Variants in KAZN observed in about 807,000 individuals in gnomAD.
KAZN encodes kazrin, periplakin interacting protein.
Under a neutral mutation model 87.4 loss-of-function variants are expected in KAZN, and 40 were observed. The ratio of observed to expected loss-of-function variants is 0.46; its 90% CI spans 0.36 to 0.60. KAZN has a LOEUF of 0.60. Ranked by LOEUF, KAZN falls within the 20% of genes least tolerant of loss-of-function variation. The probability of loss-of-function intolerance (pLI) is 0.00; values close to 1 mark genes in which losing one functional copy is unlikely to be tolerated. For missense variants in KAZN, 898 were observed against 1,073.9 expected (o/e 0.84, Z 2.29); for synonymous variants, 466 against 458.3 (o/e 1.02, Z -0.22).
intron 4 of KAZN, among the ~76,000 whole-genome samples, chr1:15,045,576 C>G (rs1673388956): frequency 1.3e-5 from 2 of 152,186 alleles, no homozygotes; most frequent in South Asian, 4.1e-4. Flanking sequence ...TTTGTGTGTT[C>G]ACTGTGTCGT....
At chr1:14,060,962 G>A (rs926614458) in intron 1 of KAZN, among the ~76,000 whole-genome samples, 2 of 152,148 alleles carry the variant, frequency 1.3e-5, no homozygotes, top group Non-Finnish European at 2.9e-5. Flanking sequence ...GGAGACTTGG[G>A]GTCAAGACCC....
chr1:15,114,479 G>A lies in KAZN; in HGVS notation c.2172G>A (p.Leu724=), dbSNP rs1641769588. 1 of 1,609,656 alleles carries A rather than the reference G, an allele frequency of 6.2e-7. No individual in the cohort carries two copies. Among genetic ancestry groups the A allele is most frequent in the Non-Finnish European group, 8.5e-7 (1 of 1,177,570 alleles). The change falls in exon 15 of 15, where the codon CTG becomes CTA. Residue 724 remains leucine, a synonymous_variant. Coordinates refer to ENST00000376030, the MANE Select transcript of KAZN (RefSeq NM_201628.3). Reference sequence around the variant, plus strand: ...TATTCTTCTCTTCTCAGCTGCCCCTGGGGAAGATAGGAAGGGGCTTCAGCA... The same window carrying A: ...TATTCTTCTCTTCTCAGCTGCCCCTAGGGAAGATAGGAAGGGGCTTCAGCA... ...GLKYKAGRLP[L]GKIGRGFSSK...
At chr1:14,788,948 G>A (rs1645592294) in intron 1 of KAZN, among the ~76,000 whole-genome samples, 1 of 152,162 alleles carries the variant, frequency 6.6e-6, no homozygotes, top group South Asian at 2.1e-4. Context: ...TACAAACGCA[G>A]TTACCTTTAC....
At chr1:14,007,819 G>A (rs1338341364) in intron 1 of KAZN, among the ~76,000 whole-genome samples, 2 of 152,102 alleles carry the variant, frequency 1.3e-5, no homozygotes. Flanking sequence ...GACGCTGTCC[G>A]ATAATGATTT....
chr1:14,599,170 C>T lies in KAZN; in HGVS notation c.173C>T (p.Ala58Val). Residue 58 changes from alanine (A) to valine (V), a missense_variant, in exon 1 of 15, where the codon GCG becomes GTG. By Grantham distance (64) the Ala-to-Val change is moderately conservative (BLOSUM62 0). This residue lies in a region of KAZN where 250 missense variants were observed against 263.0 expected (regional missense o/e 0.95). Coordinates refer to ENST00000376030, the MANE Select transcript of KAZN (RefSeq NM_201628.3). This position sits in a 1 kb window ranked among gnomAD's most constrained non-coding sequence, Gnocchi z 4.4. ...CCGGGAGCCGCGGCCAGCGCCTCGG[C>T]GGCGGGGGACTCGGCGGCGACGAAC... is the stretch of plus-strand genomic sequence containing the variant. ...PGPGAAASAS[A>V]AGDSAATNME... 1 of 1,376,626 alleles carries T rather than the reference C, an allele frequency of 7.3e-7. No individual in the cohort carries two copies. Among genetic ancestry groups the T allele is most frequent in the South Asian group, 1.9e-5 (1 of 52,138 alleles). The allele number at this position is 1,376,626 out of a possible 1,614,324, so 85.3% of individuals were successfully genotyped here.
At chr1:14,777,136 C>T (rs531296759) in intron 1 of KAZN, among the ~76,000 whole-genome samples, 136 of 146,530 alleles carry the variant, frequency 9.3e-4, no homozygotes, top group African/African-American at 3.2e-3. Context: ...TACAGGCGCC[C>T]GCCACCACAC....
At chr1:14,294,481 A>G (rs1483556455) in intron 2 of KAZN, among the ~76,000 whole-genome samples, 1 of 151,918 alleles carries the variant, frequency 6.6e-6, no homozygotes, top group East Asian at 2.0e-4. Context: ...CTTGCAAGCT[A>G]CTGTTCTCCC....
intron 2 of KAZN, among the ~76,000 whole-genome samples, chr1:14,205,241 CAGGAG>C (rs1338610727): frequency 2.0e-5 from 3 of 152,176 alleles, no homozygotes; most frequent in African/African-American, 7.2e-5. Context: ...GCTGTGTTCT[CAGGAG>C]AGCGAGGAAA....
intron 2 of KAZN, among the ~76,000 whole-genome samples, chr1:14,465,547 G>A (rs1210709940): frequency 2.0e-5 from 3 of 152,046 alleles, no homozygotes; most frequent in Non-Finnish European, 4.4e-5. Flanking sequence ...TGGTAGCTTA[G>A]GGCTCCCAGA....
chr1:14,595,707 AAAAG>A (rs1676462890), upstream of KAZN, among the ~76,000 whole-genome samples: 1 of 151,632 alleles, frequency 6.6e-6, no homozygotes, highest in Non-Finnish European at 1.5e-5. Context: ...AAGAAAAAGA[AAAAG>A]AAAGAAAAAA....
intron 2 of KAZN, 100 bp downstream of exon 2, chr1:14,960,975 G>T (rs1198871176): frequency 8.6e-6 from 11 of 1,275,338 alleles, no homozygotes; most frequent in Non-Finnish European, 1.1e-5. Flanking sequence ...GGACACAGGG[G>T]TCTCCCAGCA....
intron 2 of KAZN, among the ~76,000 whole-genome samples, chr1:14,511,235 A>G (rs1670888781): frequency 6.6e-6 from 1 of 152,194 alleles, no homozygotes; most frequent in Admixed American, 6.5e-5. Flanking sequence ...GCCAGTTTTG[A>G]AAGATGAGGT....
At chr1:14,998,173 G>A (rs944307477) in intron 2 of KAZN, among the ~76,000 whole-genome samples, 1 of 152,000 alleles carries the variant, frequency 6.6e-6, no homozygotes, top group African/African-American at 2.4e-5. Context: ...AGCGCGGGGG[G>A]TGCTCCCCTG....
intron 2 of KAZN, among the ~76,000 whole-genome samples, chr1:14,973,560 A>T (rs944644323): frequency 6.6e-6 from 1 of 152,150 alleles, no homozygotes; most frequent in African/African-American, 2.4e-5. Context: ...GTGGGCATGT[A>T]AAAGAAAGTG....
At chr1:14,760,188 T>C (rs1300068100) in intron 1 of KAZN, among the ~76,000 whole-genome samples, 1 of 152,022 alleles carries the variant, frequency 6.6e-6, no homozygotes, top group African/African-American at 2.4e-5. Context: ...TCCCCAACCC[T>C]CTTCCCACCC....
intron 8 of KAZN, among the ~76,000 whole-genome samples, chr1:15,087,647 A>G (rs1640326535): frequency 6.6e-6 from 1 of 152,174 alleles, no homozygotes; most frequent in South Asian, 2.1e-4. Context: ...TCGGTGTCCC[A>G]AAGTGCTGGG....
At chr1:15,089,002 C>T (rs1640403435) in intron 8 of KAZN, among the ~76,000 whole-genome samples, 1 of 152,080 alleles carries the variant, frequency 6.6e-6, no homozygotes, top group Admixed American at 6.5e-5. Flanking sequence ...CACACGCACA[C>T]ACACGCTCAC....
At chr1:14,894,819 C>T (rs538845603) in intron 1 of KAZN, among the ~76,000 whole-genome samples, 1 of 152,366 alleles carries the variant, frequency 6.6e-6, no homozygotes, top group African/African-American at 2.4e-5. Context: ...ACACCAAGGA[C>T]GGGGAAATCA....
At chr1:14,226,561 A>G (rs1647309421) in intron 2 of KAZN, among the ~76,000 whole-genome samples, 2 of 152,350 alleles carry the variant, frequency 1.3e-5, no homozygotes, top group Admixed American at 1.3e-4. Context: ...GTATACAGCC[A>G]AAGGAATATA....
Sources: gnomAD v4.1 joint callset for allele counts (sites outside exome capture counted in the v4.1 genomes callset) on GRCh38, gnomAD v4.1.1 for gene constraint, gnomAD v4.1.1 regional missense constraint, Gnocchi (gnomAD v3.1) non-coding constraint, MANE v1.5 for transcripts, NCBI Gene and HGNC (gene_info 2026-07-23, HGNC 2026-07-21) for gene names.